Variants in CINP observed in about 807,000 individuals in gnomAD.
CINP encodes cyclin dependent kinase 2 interacting protein, also known as cyclin-dependent kinase 2-interacting protein.
A neutral mutation model predicts 20.5 loss-of-function variants in CINP; 11 were observed. The ratio of observed to expected loss-of-function variants is 0.54; its 90% CI spans 0.34 to 0.89. The LOEUF is 0.89. Among genes scored for constraint, CINP ranks in the 40% least tolerant of loss-of-function variants. The probability of loss-of-function intolerance (pLI) is 0.02; values close to 1 mark genes in which losing one functional copy is unlikely to be tolerated. For missense variants in CINP, 213 were observed against 251.0 expected, an observed-to-expected ratio of 0.85 and a Z score of 1.02; for synonymous variants, 108 against 102.1, an observed-to-expected ratio of 1.06 and a Z score of -0.35.
chr14:102,359,227 A>ATATATAT (rs1887072544), intron 2 of CINP, among the ~76,000 whole-genome samples, 192 bp downstream of exon 2: 110 of 115,414 alleles, frequency 9.5e-4, no homozygotes, highest in African/African-American at 2.4e-3. Context: ...TAAATAACTA[A>ATATATAT]ATATATATAT....
chr14:102,353,134 T>C (rs556321560), intron 3 of CINP, among the ~76,000 whole-genome samples: 2 of 144,380 alleles, frequency 1.4e-5, no homozygotes, highest in African/African-American at 2.6e-5. Context: ...TGAAACTCCA[T>C]CTCAAAAAAA....
chr14:102,354,394 T>C (rs1409067054), intron 3 of CINP, among the ~76,000 whole-genome samples: 2 of 152,150 alleles, frequency 1.3e-5, no homozygotes, highest in Non-Finnish European at 2.9e-5. Context: ...TGGTTGAAAA[T>C]AACCAAAAGG....
At chr14:102,349,572 A>G (rs1886820091) in intron 4 of CINP, among the ~76,000 whole-genome samples, 1 of 152,156 alleles carries the variant, frequency 6.6e-6, no homozygotes, top group Non-Finnish European at 1.5e-5. Flanking sequence ...ACAAAAAACA[A>G]AAGAAAAACC....
chr14:102,354,128 C>T (rs1886939495), intron 3 of CINP, among the ~76,000 whole-genome samples: 1 of 152,208 alleles, frequency 6.6e-6, no homozygotes, highest in East Asian at 1.9e-4. Flanking sequence ...TATGGGTAAG[C>T]TTCAGTTATC....
intron 1 of CINP, among the ~76,000 whole-genome samples, chr14:102,360,529 C>T (rs528332678): frequency 1.3e-5 from 2 of 152,328 alleles, no homozygotes; most frequent in South Asian, 2.1e-4. Context: ...ACACTGCCTG[C>T]GTCTGAACCC....
intron 3 of CINP, among the ~76,000 whole-genome samples, chr14:102,354,778 A>G (rs2139630012): frequency 6.6e-6 from 1 of 151,652 alleles, no homozygotes; most frequent in African/African-American, 2.4e-5. Flanking sequence ...ACAAAAACAA[A>G]AACAAAAAAG....
chr14:102,362,638 A>C (rs1019176997), intron 1 of CINP: 1 of 721,200 alleles, frequency 1.4e-6, no homozygotes, highest in African/African-American at 1.7e-5. Flanking sequence ...GTCACTGCAC[A>C]TGTGAAAAAA....
chr14:102,356,186 G>A (rs1410625900), intron 2 of CINP, among the ~76,000 whole-genome samples: 1 of 152,192 alleles, frequency 6.6e-6, no homozygotes, highest in African/African-American at 2.4e-5. Flanking sequence ...GGATGGACGC[G>A]GGAGGACTGC....
In CINP at chr14:102,350,016, A is replaced by C. The variant is rs1164353366; in HGVS notation, c.339T>G (p.Ser113=). The C allele has an allele frequency of 6.2e-6, 10 of 1,613,824 alleles. No homozygotes were observed. The highest frequency in any genetic ancestry group is 3.4e-6 in the Non-Finnish European group (4 of 1,179,772). The stretch of plus-strand genomic sequence containing the variant: ...GTTCACAAATTCCCTTGGTAGTTGA[A>C]GACAGCTTTTCCATTTTCACCTGTA... The part of the protein sequence containing the change: ...TKIQVKMEKL[S]STTKGICELE... The change falls in exon 4 of 5, where the codon TCT becomes TCG. Residue 113 remains serine (S), a synonymous_variant. Transcript: ENST00000216756.
At chr14:102,361,414 C>G (rs559847179) in intron 1 of CINP, among the ~76,000 whole-genome samples, 2 of 152,148 alleles carry the variant, frequency 1.3e-5, no homozygotes, top group South Asian at 4.2e-4. Context: ...CCAAGGCGGG[C>G]GGATCACGAG....
intron 3 of CINP, among the ~76,000 whole-genome samples, chr14:102,350,473 G>C (rs2139625152): frequency 6.7e-6 from 1 of 150,142 alleles, no homozygotes; most frequent in Admixed American, 6.7e-5. Flanking sequence ...TGGCACCTCA[G>C]CCTCCCAAGT....
chr14:102,350,759 C>G (rs1050411844), intron 3 of CINP, among the ~76,000 whole-genome samples: 8 of 151,272 alleles, frequency 5.3e-5, no homozygotes, highest in Non-Finnish European at 8.8e-5. Flanking sequence ...TTCTGAGGCT[C>G]TCTGTCTCTC....
chr14:102,356,429 A>C (rs1369942796), intron 2 of CINP, among the ~76,000 whole-genome samples: 1 of 151,856 alleles, frequency 6.6e-6, no homozygotes, highest in African/African-American at 2.4e-5. Context: ...AAAAAAAAAA[A>C]CACCATTCAG....
rs1266448972 is a variant in CINP at position 102,351,509 on chromosome 14, A to G, written c.307-1461T>C. On this transcript the variant is annotated intron_variant, in intron 3 of 4. Transcript: ENST00000216756. This position sits in a 1 kb window ranked among gnomAD's most constrained non-coding sequence, Gnocchi z 4.2. ...AGTAACTAGGATTTCAGATTTAAGT[A>G]GCATAGGTCTATAAAGACCAAATTT... is the stretch of plus-strand genomic sequence containing the variant. Among the ~76,000 whole-genome samples, 1 of 152,248 alleles carries G rather than the reference A, an allele frequency of 6.6e-6. No homozygotes were observed. Among genetic ancestry groups the G allele is most frequent in the African/African-American group, 2.4e-5 (1 of 41,476 alleles).
intron 3 of CINP, chr14:102,352,478 A>T (rs1156970259): frequency 6.6e-6 from 3 of 455,466 alleles, no homozygotes; most frequent in South Asian, 4.7e-5. Context: ...ATGTTAGCCC[A>T]GCTTAGGAAG....
chr14:102,362,814 C>T (rs1402982837), intron 1 of CINP, 31 bp downstream of exon 1: 1 of 1,613,710 alleles, frequency 6.2e-7, no homozygotes, highest in Non-Finnish European at 8.5e-7. Flanking sequence ...CACAGCCACC[C>T]CACCCCGGGA....
Position 102,359,514 on chromosome 14 carries a change from C to A in CINP, c.81G>T (p.Ala27=), listed in dbSNP as rs772633817. Residue 27 remains alanine (A), a synonymous_variant, in exon 2 of 5, where the codon GCG becomes GCT. Transcript: ENST00000216756. ...TCAGGATTAAATTGTGCCAATCAGC[C>A]GCATTGTCCTTAATTTTTCTTGCAC... ...SVSARKIKDN[A]ADWHNLILKW... is the part of the protein sequence containing the mutation. 1.2e-5 allele frequency: 19 copies of A among 1,612,994 alleles called. No individual in the cohort carries two copies. The Admixed American group carries it at 2.5e-4, about 21-fold the overall frequency.
chr14:102,352,344 G>A, intron 3 of CINP: 1 of 324,692 alleles, frequency 3.1e-6, no homozygotes, highest in Non-Finnish European at 6.1e-6. Flanking sequence ...CTGCAGCTCA[G>A]CCATCAATAA....
At position 102,354,224 on chromosome 14, in the gene CINP, G is replaced by A. The variant is rs145680819; in HGVS notation, c.306+1544C>T. Among the ~76,000 whole-genome samples the A allele has an allele frequency of 1.5e-3, 221 of 152,316 alleles. 1 individual carries two copies. Among genetic ancestry groups the A allele is most frequent in the Non-Finnish European group, 2.6e-3 (180 of 68,040 alleles). The stretch of plus-strand genomic sequence containing the variant: ...ATCTTCACATCTGGTGGCCAGTATG[G>A]TAGGTATTGAAATTTAGTTATTAGT... On this transcript the variant is annotated intron_variant, in intron 3 of 4. Transcript: ENST00000216756.
Sources: allele counts gnomAD v4.1 joint callset (sites outside exome capture counted in the v4.1 genomes callset), GRCh38; gene constraint gnomAD v4.1.1; non-coding constraint Gnocchi (gnomAD v3.1); transcripts MANE v1.5; gene names NCBI Gene and HGNC (gene_info 2026-07-23, HGNC 2026-07-21).